IGSF11: variants seen among roughly 807,000 people sequenced by gnomAD.
IGSF11 encodes the protein CXADR like 1.
A neutral mutation model predicts 41.0 loss-of-function variants in IGSF11; 22 were observed. That is an observed-to-expected ratio of 0.54 (90% CI 0.38 to 0.77). The LOEUF (loss-of-function observed/expected upper bound fraction) is 0.77. Among genes scored for constraint, IGSF11 ranks in the 30% least tolerant of loss-of-function variants. The pLI is 0.00. For missense variants in IGSF11, 444 were observed against 530.8 expected (o/e 0.84, Z 1.61); for synonymous variants, 219 against 201.3 (o/e 1.09, Z -0.74).
chr3:119,133,215 T>C (rs1372413719), intron 1 of IGSF11, among the ~76,000 whole-genome samples: 1 of 151,754 alleles, frequency 6.6e-6, no homozygotes, highest in Non-Finnish European at 1.5e-5. Context: ...ATTACTAAGA[T>C]CAGAGCAGAA....
intron 1 of IGSF11, among the ~76,000 whole-genome samples, chr3:119,004,809 T>G (rs1373830434): frequency 6.6e-6 from 1 of 151,894 alleles, no homozygotes; most frequent in Non-Finnish European, 1.5e-5. Flanking sequence ...CTAGTTTGAT[T>G]GCACTGTGGT....
chr3:118,932,163 T>C (rs1294282812), intron 1 of IGSF11, among the ~76,000 whole-genome samples: 1 of 152,228 alleles, frequency 6.6e-6, no homozygotes, highest in Non-Finnish European at 1.5e-5. Flanking sequence ...AAATAACTGT[T>C]TTCTCTTCTG....
At chr3:118,924,617 A>C (rs75359673) in intron 4 of IGSF11, among the ~76,000 whole-genome samples, 8,065 of 152,232 alleles carry the variant, frequency 0.053, 348 homozygotes, top group Admixed American at 0.15. Context: ...TTCAAGTTGA[A>C]AAAAGGATAT....
At position 119,034,615 on chromosome 3, in the gene IGSF11, C is replaced by A. The variant is rs921101881; in HGVS notation, c.-33G>T. The A allele has an allele frequency of 1.9e-6, 3 of 1,561,348 alleles. No homozygotes were observed. Among genetic ancestry groups the A allele is most frequent in the Non-Finnish European group, 2.6e-6 (3 of 1,155,062 alleles). On this transcript the variant is annotated 5_prime_UTR_variant, in exon 1 of 7. Transcript: ENST00000393775. ...CCGCAGGGAGCGCGCCTGCCTCCTA[C>A]CCGGCTCCCGGTCGCAACAGGAGAG...
intron 1 of IGSF11, among the ~76,000 whole-genome samples, chr3:119,016,420 T>TA (rs962304127): frequency 2.0e-5 from 3 of 152,014 alleles, no homozygotes; most frequent in African/African-American, 7.3e-5. Context: ...CTAATTCTTT[T>TA]AAAAAAAATC....
chr3:118,927,610 TCAA>T (rs1256508120), intron 3 of IGSF11, among the ~76,000 whole-genome samples: 1 of 152,082 alleles, frequency 6.6e-6, no homozygotes, highest in Non-Finnish European at 1.5e-5. Context: ...CTTAAGTGAC[TCAA>T]CAACAACGAA....
At chr3:119,007,795 C>G (rs1021845430) in intron 1 of IGSF11, among the ~76,000 whole-genome samples, 1 of 152,174 alleles carries the variant, frequency 6.6e-6, no homozygotes, top group East Asian at 1.9e-4. Flanking sequence ...AAGCAAAGAT[C>G]TTCTGATATT....
intron 4 of IGSF11, among the ~76,000 whole-genome samples, chr3:118,919,317 C>A (rs1230184047): frequency 1.5e-5 from 2 of 137,574 alleles, no homozygotes; most frequent in Admixed American, 1.4e-4. Context: ...TCAGAGTGAA[C>A]AGGCAACCTA....
At chr3:119,024,027 T>C (rs1396594032) in intron 1 of IGSF11, among the ~76,000 whole-genome samples, 1 of 152,224 alleles carries the variant, frequency 6.6e-6, no homozygotes, top group African/African-American at 2.4e-5. Context: ...TAAGAGACCT[T>C]ACTTGTCCAG....
intron 1 of IGSF11, among the ~76,000 whole-genome samples, chr3:119,010,781 G>A (rs1249124629): frequency 1.3e-5 from 2 of 152,036 alleles, no homozygotes; most frequent in African/African-American, 4.8e-5. Context: ...ATATCTAATG[G>A]TTTCCTTTCT....
At chr3:119,028,281 G>A (rs1940018582) in intron 1 of IGSF11, among the ~76,000 whole-genome samples, 2 of 152,154 alleles carry the variant, frequency 1.3e-5, no homozygotes, top group African/African-American at 2.4e-5. Flanking sequence ...GAAGGGAATA[G>A]GAGAAGCAGA....
At chr3:119,062,467 T>G (rs1942084621) in intron 1 of IGSF11, among the ~76,000 whole-genome samples, 1 of 152,172 alleles carries the variant, frequency 6.6e-6, no homozygotes, top group Admixed American at 6.5e-5. Context: ...CTTTCATCAA[T>G]TCAACAACTA....
chr3:119,034,302 C>A (rs921175582), intron 1 of IGSF11, among the ~76,000 whole-genome samples: 2 of 152,106 alleles, frequency 1.3e-5, no homozygotes, highest in Admixed American at 6.5e-5. Flanking sequence ...GGTAGCCGGA[C>A]GAGTTTAGTT....
intron 1 of IGSF11, among the ~76,000 whole-genome samples, chr3:118,948,752 T>C (rs1944348345): frequency 6.6e-6 from 1 of 151,826 alleles, no homozygotes; most frequent in Non-Finnish European, 1.5e-5. Context: ...GATCACGAGG[T>C]CAGGAGATAG....
intron 1 of IGSF11, among the ~76,000 whole-genome samples, chr3:118,946,229 C>T (rs1370706187): frequency 6.8e-6 from 1 of 147,824 alleles, no homozygotes; most frequent in African/African-American, 2.5e-5. Flanking sequence ...CACACACAAA[C>T]ATATATATAT....
At chr3:119,019,216 T>C (rs750855462) in intron 1 of IGSF11, among the ~76,000 whole-genome samples, 1 of 151,896 alleles carries the variant, frequency 6.6e-6, no homozygotes, top group African/African-American at 2.4e-5. Context: ...GGATCCTTGA[T>C]TCTGTGGGAT....
At chr3:119,059,481 C>A (rs942396156) in intron 1 of IGSF11, among the ~76,000 whole-genome samples, 5 of 152,130 alleles carry the variant, frequency 3.3e-5, no homozygotes, top group Non-Finnish European at 7.3e-5. Context: ...ATGATGGATG[C>A]ACCAAAATGT....
At chr3:118,997,990 C>T (rs1936438639) in intron 1 of IGSF11, among the ~76,000 whole-genome samples, 1 of 152,178 alleles carries the variant, frequency 6.6e-6, no homozygotes, top group African/African-American at 2.4e-5. Flanking sequence ...TCCTTAATTT[C>T]TGCCAACATC....
chr3:119,106,154 A>G (rs767729946), upstream of IGSF11, among the ~76,000 whole-genome samples: 6 of 152,206 alleles, frequency 3.9e-5, no homozygotes, highest in Non-Finnish European at 8.8e-5. Flanking sequence ...CAATAATAAC[A>G]TCATGGTAGA....
Sources: gnomAD v4.1 joint callset for allele counts (sites outside exome capture counted in the v4.1 genomes callset) on GRCh38, gnomAD v4.1.1 for gene constraint, MANE v1.5 for transcripts, NCBI Gene and HGNC (gene_info 2026-07-23, HGNC 2026-07-21) for gene names.